SPPL3: variants seen among roughly 807,000 people sequenced by gnomAD.
SPPL3 encodes the protein signal peptide peptidase like 3, also known as signal peptide peptidase-like 3.
A neutral mutation model predicts 42.4 loss-of-function variants in SPPL3; 5 were observed. The observed-to-expected ratio is 0.12, with a 90% CI of 0.06 to 0.25. SPPL3 has a LOEUF of 0.25. SPPL3 is among the 10% of genes least tolerant of loss of function. The probability of loss-of-function intolerance (pLI) is 1.00; values close to 1 mark genes in which losing one functional copy is unlikely to be tolerated. For missense variants in SPPL3, 235 were observed against 489.0 expected, an observed-to-expected ratio of 0.48 and a Z score of 4.90; for synonymous variants, 195 against 181.8, an observed-to-expected ratio of 1.07 and a Z score of -0.58.
At chr12:120,822,915 G>A (rs1871114857) in intron 1 of SPPL3, among the ~76,000 whole-genome samples, 1 of 151,996 alleles carries the variant, frequency 6.6e-6, no homozygotes, top group African/African-American at 2.4e-5. Flanking sequence ...TGAGGACTCT[G>A]CTAGGTACTA....
chr12:120,847,650 G>C (rs1034618785), intron 1 of SPPL3, among the ~76,000 whole-genome samples: 11 of 151,454 alleles, frequency 7.3e-5, no homozygotes, highest in Non-Finnish European at 1.3e-4. Context: ...AGGACGGTTT[G>C]AAACTCCTGA....
intron 1 of SPPL3, among the ~76,000 whole-genome samples, chr12:120,838,705 G>T (rs1871702995): frequency 6.6e-6 from 1 of 152,116 alleles, no homozygotes; most frequent in South Asian, 2.1e-4. Context: ...GTACCTATTG[G>T]TATCTAATAG....
intron 1 of SPPL3, among the ~76,000 whole-genome samples, chr12:120,868,466 C>CTTT (rs921319924): frequency 4.5e-5 from 1 of 22,352 alleles, no homozygotes; most frequent in Admixed American, 1.0e-3. Context: ...TTTCTTTTTT[C>CTTT]TTTTTTTTTG....
intron 1 of SPPL3, among the ~76,000 whole-genome samples, chr12:120,823,046 T>C (rs892620953): frequency 6.6e-5 from 10 of 151,818 alleles, no homozygotes; most frequent in Non-Finnish European, 1.2e-4. Flanking sequence ...CATGGAGGCC[T>C]ATGTGACAGT....
chr12:120,860,629 GT>G (rs1800481885), intron 1 of SPPL3, among the ~76,000 whole-genome samples: 1 of 152,018 alleles, frequency 6.6e-6, no homozygotes, highest in African/African-American at 2.4e-5. Context: ...TTAAGTTTTT[GT>G]TTCTTTTTTC....
intron 1 of SPPL3, among the ~76,000 whole-genome samples, chr12:120,823,300 G>C (rs1269659060): frequency 6.6e-6 from 1 of 152,000 alleles, no homozygotes; most frequent in Non-Finnish European, 1.5e-5. Context: ...ACCAAAGCTA[G>C]GGATCTGGCT....
intron 1 of SPPL3, among the ~76,000 whole-genome samples, chr12:120,896,381 T>C (rs1342209207): frequency 6.6e-6 from 1 of 152,196 alleles, no homozygotes; most frequent in African/African-American, 2.4e-5. Context: ...AAACTGAATT[T>C]GATCATTTAG....
chr12:120,886,063 G>A lies in SPPL3; in HGVS notation c.23+17782C>T, dbSNP rs536933144. 2.6e-5 allele frequency among the ~76,000 whole-genome samples: 4 copies of A among 151,216 alleles called. No homozygotes were observed. The East Asian group carries it at 7.8e-4, about 29-fold the overall frequency. Reference sequence around the variant, plus strand: ...TGTCCATGTTGGTCAGGCTGGTCTCGAACTCATGACCTCAGGTGATCTGCC... The same window carrying A: ...TGTCCATGTTGGTCAGGCTGGTCTCAAACTCATGACCTCAGGTGATCTGCC... On this transcript the variant is annotated intron_variant, in intron 1 of 10. Coordinates refer to ENST00000353487, the MANE Select transcript of SPPL3 (RefSeq NM_139015.5).
chr12:120,852,947 T>C (rs1376326347), intron 1 of SPPL3, among the ~76,000 whole-genome samples: 1 of 147,990 alleles, frequency 6.8e-6, no homozygotes, highest in African/African-American at 2.5e-5. Flanking sequence ...CAGGCTGGAG[T>C]GCAGTGGTGC....
chr12:120,866,762 T>C (rs1235019803), intron 1 of SPPL3, among the ~76,000 whole-genome samples: 1 of 152,214 alleles, frequency 6.6e-6, no homozygotes, highest in Non-Finnish European at 1.5e-5. Flanking sequence ...CTTTTGGCCA[T>C]CTCCAGTTAT....
intron 2 of SPPL3, among the ~76,000 whole-genome samples, chr12:120,803,627 G>A (rs961986209): frequency 8.5e-5 from 13 of 152,084 alleles, no homozygotes; most frequent in African/African-American, 2.2e-4. Flanking sequence ...ACAATGAAGC[G>A]GGGACTCACT....
intron 1 of SPPL3, among the ~76,000 whole-genome samples, chr12:120,850,320 C>T (rs2137033081): frequency 6.6e-6 from 1 of 152,124 alleles, no homozygotes; most frequent in South Asian, 2.1e-4. Context: ...CTAGAGCCAT[C>T]TGTTAAGGCC....
At chr12:120,886,059 T>A (rs972124276) in intron 1 of SPPL3, among the ~76,000 whole-genome samples, 1 of 151,594 alleles carries the variant, frequency 6.6e-6, no homozygotes, top group Non-Finnish European at 1.5e-5. Context: ...GTCAGGCTGG[T>A]CTCGAACTCA....
At chr12:120,856,480 G>A (rs1872460849) in intron 1 of SPPL3, among the ~76,000 whole-genome samples, 1 of 149,232 alleles carries the variant, frequency 6.7e-6, no homozygotes, top group African/African-American at 2.5e-5. Flanking sequence ...CTGGCCACTG[G>A]TGTGGAGATG....
At chr12:120,891,544 T>G (rs1053023947) in intron 1 of SPPL3, among the ~76,000 whole-genome samples, 2 of 152,146 alleles carry the variant, frequency 1.3e-5, no homozygotes, top group African/African-American at 4.8e-5. Context: ...TAAAAAAATT[T>G]TTTTAGCTTT....
intron 1 of SPPL3, among the ~76,000 whole-genome samples, chr12:120,858,592 T>G (rs374543401): frequency 3.2e-4 from 49 of 151,704 alleles, no homozygotes; most frequent in African/African-American, 1.2e-3. Flanking sequence ...AACACAAGAA[T>G]GAACAACCAA....
Position 120,763,873 on chromosome 12 carries a change from CA to C in SPPL3, c.*1125del, listed in dbSNP as rs3078036. 27,752 of 141,646 alleles carry C rather than the reference CA, an allele frequency of 0.2. 4,138 individuals carry two copies. The highest frequency in any genetic ancestry group is 0.41 in the African/African-American group (15,655 of 38,204). The allele number at this position is 141,646 out of a possible 1,614,324, so 8.8% of individuals were successfully genotyped here. On this transcript the variant is annotated 3_prime_UTR_variant, in exon 11 of 11. Transcript: ENST00000353487. Reference sequence around the variant, plus strand: ...ACAGCACACCAATGAAACAAAATGTCAAAAAAAAAAATACAAAAAAATAGAA... The same window carrying C: ...ACAGCACACCAATGAAACAAAATGTCAAAAAAAAAATACAAAAAAATAGAA...
At chr12:120,784,317 G>T in intron 4 of SPPL3, 157 bp downstream of exon 4, 1 of 625,424 alleles carries the variant, frequency 1.6e-6, no homozygotes, top group Admixed American at 3.4e-5. Context: ...GGAGGAGTTG[G>T]GGAAGGGTGG....
intron 6 of SPPL3, 84 bp from the exon 7 acceptor site, chr12:120,769,143 G>A: frequency 2.7e-6 from 3 of 1,101,650 alleles, no homozygotes; most frequent in Non-Finnish European, 4.0e-6. Context: ...GCCCTTCACA[G>A]AGTTTGCAAT....
Sources: gnomAD v4.1 joint callset for allele counts (sites outside exome capture counted in the v4.1 genomes callset) on GRCh38, gnomAD v4.1.1 for gene constraint, MANE v1.5 for transcripts, NCBI Gene and HGNC (gene_info 2026-07-23, HGNC 2026-07-21) for gene names.